The following B3GNT2 variants were observed in gnomAD, a reference collection of about 807,000 sequenced individuals.
B3GNT2 encodes the protein UDP-GlcNAc:betaGal beta-1,3-N-acetylglucosaminyltransferase 2.
In B3GNT2, 12 loss-of-function variants were observed where a neutral mutation model predicts 27.6. That is an observed-to-expected ratio of 0.44 (90% CI 0.28 to 0.71). The LOEUF is 0.71. B3GNT2 is among the 30% of genes least tolerant of loss of function. The probability of loss-of-function intolerance (pLI) is 0.17; values close to 1 mark genes in which losing one functional copy is unlikely to be tolerated. For synonymous variants in B3GNT2, 192 were observed against 189.7 expected, an observed-to-expected ratio of 1.01 and a Z score of -0.10; for missense variants, 413 against 488.5, an observed-to-expected ratio of 0.85 and a Z score of 1.46.
intron 1 of B3GNT2, among the ~76,000 whole-genome samples, chr2:62,209,569 A>G (rs1308753698): frequency 1.3e-5 from 2 of 152,224 alleles, no homozygotes; most frequent in African/African-American, 2.4e-5. Context: ...ACTTGAGCCC[A>G]GGAATTCAAG....
intron 1 of B3GNT2, chr2:62,205,957 A>T (rs1032246620): frequency 6.5e-6 from 1 of 154,486 alleles, no homozygotes; most frequent in African/African-American, 2.4e-5. Context: ...AGAGGATGAA[A>T]TCGATGGACT....
At chr2:62,204,225 C>T (rs759545472) in intron 1 of B3GNT2, among the ~76,000 whole-genome samples, 4 of 152,196 alleles carry the variant, frequency 2.6e-5, no homozygotes, top group African/African-American at 4.8e-5. Context: ...AGGGTTTCTC[C>T]GTGCTGGTCA....
intron 1 of B3GNT2, among the ~76,000 whole-genome samples, chr2:62,216,797 G>A (rs1217209792): frequency 6.6e-6 from 1 of 152,220 alleles, no homozygotes; most frequent in South Asian, 2.1e-4. Flanking sequence ...ATTAAAAACA[G>A]CCTCTTAGCT....
chr2:62,217,375 C>A (rs1674595989), intron 1 of B3GNT2, among the ~76,000 whole-genome samples: 1 of 152,128 alleles, frequency 6.6e-6, no homozygotes, highest in Non-Finnish European at 1.5e-5. Context: ...GTCCACCCAC[C>A]CCGTGCCCCC....
chr2:62,206,890 G>A (rs1169400942), intron 1 of B3GNT2, among the ~76,000 whole-genome samples: 1 of 152,180 alleles, frequency 6.6e-6, no homozygotes, highest in Non-Finnish European at 1.5e-5. Context: ...CTGTAACCAA[G>A]AGCATATTCT....
intron 1 of B3GNT2, among the ~76,000 whole-genome samples, chr2:62,216,764 G>A (rs1402668906): frequency 6.6e-6 from 1 of 152,144 alleles, no homozygotes; most frequent in African/African-American, 2.4e-5. Flanking sequence ...TGAAAACCAT[G>A]GTTTTGCATG....
At chr2:62,207,958 C>G (rs894355124) in intron 1 of B3GNT2, among the ~76,000 whole-genome samples, 3 of 152,172 alleles carry the variant, frequency 2.0e-5, no homozygotes, top group Admixed American at 6.5e-5. Flanking sequence ...TTCTGCTTCT[C>G]TGTGTGTGGC....
intron 1 of B3GNT2, among the ~76,000 whole-genome samples, chr2:62,202,313 A>G (rs1674281152): frequency 6.6e-6 from 1 of 152,224 alleles, no homozygotes; most frequent in South Asian, 2.1e-4. Context: ...AAGGATGTGA[A>G]TAACATTTCA....
chr2:62,216,485 T>C (rs1264793454), intron 1 of B3GNT2, among the ~76,000 whole-genome samples: 1 of 151,972 alleles, frequency 6.6e-6, no homozygotes, highest in Non-Finnish European at 1.5e-5. Context: ...AGCTCACTGC[T>C]GCCTGGATCT....
chr2:62,218,765 T>A (rs1025870566), intron 1 of B3GNT2, among the ~76,000 whole-genome samples: 1 of 152,194 alleles, frequency 6.6e-6, no homozygotes, highest in South Asian at 2.1e-4. Flanking sequence ...TGGCATCCCG[T>A]GCAATGAGAA....
intron 1 of B3GNT2, among the ~76,000 whole-genome samples, chr2:62,216,192 G>T (rs925257833): frequency 7.2e-5 from 11 of 152,086 alleles, no homozygotes; most frequent in African/African-American, 1.9e-4. Context: ...ACCTTTTTAG[G>T]GTCATTGGGT....
chr2:62,221,916 T>G (rs1417036382), intron 1 of B3GNT2: 4 of 535,010 alleles, frequency 7.5e-6, no homozygotes, highest in East Asian at 9.4e-5. Context: ...ACTTACATAG[T>G]GCTTGCTGTG....
intron 1 of B3GNT2, among the ~76,000 whole-genome samples, chr2:62,202,958 T>G (rs1399703164): frequency 6.6e-6 from 1 of 152,100 alleles, no homozygotes; most frequent in Admixed American, 6.5e-5. Context: ...CCTGGAACTA[T>G]CCTCACCTCT....
chr2:62,215,568 C>T (rs1674558190), intron 1 of B3GNT2: 1 of 152,310 alleles, frequency 6.6e-6, no homozygotes, highest in African/African-American at 2.4e-5. Context: ...CGAGCAGAAC[C>T]TGGAAGGGGC....
At chr2:62,219,392 A>T (rs148528186) in intron 1 of B3GNT2, among the ~76,000 whole-genome samples, 77 of 152,254 alleles carry the variant, frequency 5.1e-4, no homozygotes, top group African/African-American at 1.7e-3. Context: ...AGCTCACTGC[A>T]ACCTCAGCCT....
rs551162867 is a variant in B3GNT2, at chr2:62,212,266, T to A, written c.-9-9946T>A. Among the ~76,000 whole-genome samples the A allele has an allele frequency of 2.0e-5, 3 of 152,228 alleles. No homozygotes were observed. The South Asian group carries it at 6.2e-4, about 32-fold the overall frequency. Reference sequence around the variant, plus strand: ...CTGCAGGGCACACCTTTCTCCAGCATCTGTTGCTCTGTTTTCTGCAGCTCT... The same window carrying A: ...CTGCAGGGCACACCTTTCTCCAGCAACTGTTGCTCTGTTTTCTGCAGCTCT... On this transcript the variant is annotated intron_variant, in intron 1 of 1. Transcript: ENST00000301998.
chr2:62,205,694 A>T (rs1356121495), intron 1 of B3GNT2: 9 of 152,332 alleles, frequency 5.9e-5, no homozygotes, highest in African/African-American at 2.2e-4. Context: ...GAGAAGAGGC[A>T]GCATCCCAGA....
At chr2:62,199,715 C>G (rs1400677398) in intron 1 of B3GNT2, among the ~76,000 whole-genome samples, 4 of 152,216 alleles carry the variant, frequency 2.6e-5, no homozygotes, top group African/African-American at 9.7e-5. Flanking sequence ...CTGGCTGCAT[C>G]CAGTAAAGAA....
intron 1 of B3GNT2, among the ~76,000 whole-genome samples, chr2:62,204,671 TCTTTTC>T (rs1420158629): frequency 6.6e-6 from 1 of 152,262 alleles, no homozygotes; most frequent in African/African-American, 2.4e-5. Context: ...ATATTTTTGT[TCTTTTC>T]CTTTACCACA....
Sources: allele counts gnomAD v4.1 joint callset (sites outside exome capture counted in the v4.1 genomes callset), GRCh38; gene constraint gnomAD v4.1.1; transcripts MANE v1.5; gene names NCBI Gene and HGNC (gene_info 2026-07-23, HGNC 2026-07-21).